The following DPP10 variants were observed in gnomAD, a reference collection of about 807,000 sequenced individuals.
DPP10 encodes the protein dipeptidyl peptidase like 10, also known as inactive dipeptidyl peptidase 10.
Under a neutral mutation model 120.9 loss-of-function variants are expected in DPP10, and 33 were observed. The observed-to-expected ratio is 0.27, with a 90% CI of 0.21 to 0.37. DPP10 has a LOEUF of 0.37. Among genes scored for constraint, DPP10 ranks in the 10% least tolerant of loss-of-function variants. DPP10 has a pLI of 1.00. For missense variants in DPP10, 816 were observed against 942.8 expected (o/e 0.87, Z 1.76); for synonymous variants, 337 against 326.1 (o/e 1.03, Z -0.36).
intron 3 of DPP10, among the ~76,000 whole-genome samples, chr2:115,481,262 AG>A (rs1346119808): frequency 6.6e-6 from 1 of 152,120 alleles, no homozygotes; most frequent in Non-Finnish European, 1.5e-5. Flanking sequence ...GAACAGTATT[AG>A]GGAAGATCTT....
At chr2:115,544,904 G>A (rs1024404878) in intron 5 of DPP10, among the ~76,000 whole-genome samples, 2 of 152,044 alleles carry the variant, frequency 1.3e-5, no homozygotes, top group Non-Finnish European at 2.9e-5. Context: ...ATACAGAAAA[G>A]AGGCTGTTTA....
intron 5 of DPP10, among the ~76,000 whole-genome samples, chr2:115,629,449 C>T (rs910415663): frequency 1.3e-5 from 2 of 152,136 alleles, no homozygotes; most frequent in African/African-American, 4.8e-5. Context: ...AAAAGTGTTC[C>T]TATTTCTCCA....
chr2:114,450,289 A>C (rs963560487), intron 1 of DPP10, among the ~76,000 whole-genome samples: 1 of 152,124 alleles, frequency 6.6e-6, no homozygotes, highest in Non-Finnish European at 1.5e-5. Context: ...ACAATCTCCT[A>C]GTCAGACTGT....
chr2:115,100,566 GTGTGTA>G (rs2048639446), intron 1 of DPP10, among the ~76,000 whole-genome samples: 1 of 152,096 alleles, frequency 6.6e-6, no homozygotes, highest in South Asian at 2.1e-4. Flanking sequence ...GTACATGTGT[GTGTGTA>G]TGTGTGTGTG....
chr2:114,786,492 C>T (rs1682780523), intron 1 of DPP10, among the ~76,000 whole-genome samples: 1 of 152,180 alleles, frequency 6.6e-6, no homozygotes, highest in South Asian at 2.1e-4. Flanking sequence ...AAAAGAATTA[C>T]AGCAATACTG....
intron 1 of DPP10, among the ~76,000 whole-genome samples, chr2:115,054,085 C>T (rs145555707): frequency 1.3e-5 from 2 of 152,166 alleles, no homozygotes; most frequent in African/African-American, 4.8e-5. Context: ...GATAGAGCAG[C>T]TAATATGTTA....
chr2:115,535,961 T>G (rs921980411), intron 5 of DPP10, among the ~76,000 whole-genome samples: 1 of 151,998 alleles, frequency 6.6e-6, no homozygotes, highest in Non-Finnish European at 1.5e-5. Context: ...GCACATTGAT[T>G]TTGTATCCTG....
At chr2:114,616,010 A>T (rs1693648929) in intron 1 of DPP10, among the ~76,000 whole-genome samples, 1 of 152,172 alleles carries the variant, frequency 6.6e-6, no homozygotes, top group Non-Finnish European at 1.5e-5. Context: ...GAACTGAACT[A>T]AAATTTATTT....
intron 1 of DPP10, among the ~76,000 whole-genome samples, chr2:115,171,603 A>C (rs1194922659): frequency 1.3e-5 from 2 of 152,072 alleles, no homozygotes; most frequent in African/African-American, 2.4e-5. Context: ...TAGAAGCAGT[A>C]CTTGATTCTG....
intron 3 of DPP10, among the ~76,000 whole-genome samples, chr2:115,422,560 C>G (rs1181790903): frequency 6.6e-6 from 1 of 152,026 alleles, no homozygotes; most frequent in Non-Finnish European, 1.5e-5. Context: ...TTTTGTTTGC[C>G]CATGACTTTC....
At chr2:115,800,199 T>G (rs1378466015) in intron 19 of DPP10, among the ~76,000 whole-genome samples, 1 of 151,894 alleles carries the variant, frequency 6.6e-6, no homozygotes, top group African/African-American at 2.4e-5. Flanking sequence ...TGATGAGCAT[T>G]TTTTCATGTG....
At chr2:115,601,324 G>A (rs2149214918) in intron 5 of DPP10, among the ~76,000 whole-genome samples, 1 of 152,222 alleles carries the variant, frequency 6.6e-6, no homozygotes, top group East Asian at 1.9e-4. Context: ...TTTTTAAGGG[G>A]TTGGTTTCTT....
chr2:115,500,871 T>C (rs1310390432), intron 4 of DPP10, among the ~76,000 whole-genome samples: 2 of 151,930 alleles, frequency 1.3e-5, no homozygotes, highest in East Asian at 3.9e-4. Context: ...ATTTCTTCAG[T>C]GGATGGTCCT....
intron 1 of DPP10, among the ~76,000 whole-genome samples, chr2:114,946,662 T>C (rs998088078): frequency 4.6e-5 from 7 of 152,124 alleles, no homozygotes; most frequent in African/African-American, 1.7e-4. Flanking sequence ...TATTATCCTT[T>C]TTATACATCA....
chr2:115,554,901 T>G (rs1307690539), intron 5 of DPP10, among the ~76,000 whole-genome samples: 1 of 152,142 alleles, frequency 6.6e-6, no homozygotes, highest in East Asian at 1.9e-4. Context: ...AAATCACTCC[T>G]GACACATTGG....
At chr2:115,486,031 T>C (rs1272550028) in intron 3 of DPP10, among the ~76,000 whole-genome samples, 1 of 152,156 alleles carries the variant, frequency 6.6e-6, no homozygotes, top group African/African-American at 2.4e-5. Context: ...TGCCACTGTG[T>C]ATTTTATAAG....
intron 19 of DPP10, among the ~76,000 whole-genome samples, chr2:115,793,389 C>A (rs1384199854): frequency 6.6e-6 from 1 of 151,958 alleles, no homozygotes; most frequent in Non-Finnish European, 1.5e-5. Flanking sequence ...TGCAGATAGT[C>A]TTTAATAAAT....
At chr2:114,673,515 G>T (rs1238651285) in intron 1 of DPP10, among the ~76,000 whole-genome samples, 1 of 151,950 alleles carries the variant, frequency 6.6e-6, no homozygotes, top group African/African-American at 2.4e-5. Flanking sequence ...AGTAGCAGTG[G>T]TTCAATCTTG....
At chr2:115,066,508 T>C (rs1706854272) in intron 1 of DPP10, among the ~76,000 whole-genome samples, 1 of 152,124 alleles carries the variant, frequency 6.6e-6, no homozygotes, top group Admixed American at 6.5e-5. Flanking sequence ...GCACAATTGG[T>C]TTAAAATTAT....
Sources: gnomAD v4.1 joint callset for allele counts (sites outside exome capture counted in the v4.1 genomes callset) on GRCh38, gnomAD v4.1.1 for gene constraint, MANE v1.5 for transcripts, NCBI Gene and HGNC (gene_info 2026-07-23, HGNC 2026-07-21) for gene names.